SMG6: variants seen among roughly 807,000 people sequenced by gnomAD.
The protein encoded by SMG6 is SMG6 nonsense mediated mRNA decay factor, also known as telomerase-binding protein EST1A.
In SMG6, 66 loss-of-function variants were observed where a neutral mutation model predicts 142.2. The ratio of observed to expected loss-of-function variants is 0.46; its 90% confidence interval spans 0.38 to 0.57. The LOEUF (loss-of-function observed/expected upper bound fraction) is 0.57. SMG6 is among the 20% of genes least tolerant of loss of function. The pLI is 0.00. For synonymous variants in SMG6, 779 were observed against 702.4 expected (o/e 1.11, Z -1.72); for missense variants, 1,793 against 1,832.0 (o/e 0.98, Z 0.39).
At chr17:2,131,031 G>A (rs1228479789) in intron 13 of SMG6, among the ~76,000 whole-genome samples, 1 of 152,032 alleles carries the variant, frequency 6.6e-6, no homozygotes, top group Non-Finnish European at 1.5e-5. Flanking sequence ...ACAAACTCCT[G>A]CACAGAGATA....
chr17:2,068,432 G>A lies in SMG6; in HGVS notation c.3835+346C>T, dbSNP rs780021842. ...TGCCAGACCACCCAGCAGCACTGCC[G>A]TTATCTGCCAGGGCTGAGTGTTTAC... On this transcript the variant is annotated intron_variant, in intron 16 of 18. Coordinates refer to ENST00000263073, the MANE Select transcript of SMG6 (RefSeq NM_017575.5). This position sits in a 1 kb window ranked among gnomAD's most constrained non-coding sequence, Gnocchi z 6.7. Among the ~76,000 whole-genome samples the A allele has an allele frequency of 8.5e-5, 13 of 152,334 alleles. No homozygotes were observed. The highest frequency in any genetic ancestry group is 2.1e-4 in the South Asian group (1 of 4,830).
Position 2,085,660 on chromosome 17 carries a change from G to A in SMG6, c.3534+65C>T. On this transcript the variant is annotated intron_variant, in intron 14 of 18. Coordinates refer to ENST00000263073, the MANE Select transcript of SMG6 (RefSeq NM_017575.5). The surrounding 1 kb of genome is among the most constrained non-coding windows in gnomAD (Gnocchi z 4.1). ...TCATAAATAAGCAGGAGGAAAAGCT[G>A]AAGCCACGAGCAGAATGGGGAGGGG... 1 of 1,500,032 alleles carries A rather than the reference G, an allele frequency of 6.7e-7. No individual in the cohort carries two copies. The highest frequency in any genetic ancestry group is 1.2e-5 in the South Asian group (1 of 81,560). 92.9% of individuals were successfully genotyped at this position (1,500,032 alleles called of 1,614,324 possible).
chr17:2,243,183 T>C (rs2073852281), intron 9 of SMG6, among the ~76,000 whole-genome samples: 1 of 152,162 alleles, frequency 6.6e-6, no homozygotes, highest in Non-Finnish European at 1.5e-5. Flanking sequence ...TTTTCCCAAG[T>C]CATTTTGAAA....
chr17:2,192,685 T>G (rs1334748203), intron 10 of SMG6, among the ~76,000 whole-genome samples: 1 of 152,126 alleles, frequency 6.6e-6, no homozygotes, highest in Non-Finnish European at 1.5e-5. Context: ...TTCTCATGAG[T>G]CAGTTACCAG....
intron 13 of SMG6, among the ~76,000 whole-genome samples, chr17:2,157,889 G>A (rs2071056202): frequency 6.6e-6 from 1 of 152,174 alleles, no homozygotes; most frequent in Non-Finnish European, 1.5e-5. Flanking sequence ...ACAAGAAGCT[G>A]AATTAGAAAT....
intron 13 of SMG6, among the ~76,000 whole-genome samples, chr17:2,136,896 C>T (rs67008508): frequency 0.1 from 15,873 of 152,096 alleles, 930 homozygotes; most frequent in African/African-American, 0.14. Context: ...TGATGGCTCA[C>T]GCTTGTAATT....
chr17:2,174,893 C>G (rs547768095), intron 12 of SMG6, among the ~76,000 whole-genome samples: 1 of 152,270 alleles, frequency 6.6e-6, no homozygotes, highest in Non-Finnish European at 1.5e-5. Flanking sequence ...AACAGAACTT[C>G]GAGGGTTAAA....
At chr17:2,181,563 C>A (rs923649128) in intron 12 of SMG6, among the ~76,000 whole-genome samples, 1 of 152,250 alleles carries the variant, frequency 6.6e-6, no homozygotes, top group African/African-American at 2.4e-5. Context: ...TCCACAGCTA[C>A]GGTAACGTAT....
intron 13 of SMG6, among the ~76,000 whole-genome samples, chr17:2,142,987 T>C (rs918148815): frequency 4.6e-5 from 7 of 151,622 alleles, no homozygotes; most frequent in African/African-American, 1.7e-4. Context: ...TTCAACATCA[T>C]TAGTTATTGA....
intron 13 of SMG6, among the ~76,000 whole-genome samples, chr17:2,112,700 C>T (rs920461738): frequency 6.7e-6 from 1 of 148,830 alleles, no homozygotes; most frequent in East Asian, 1.9e-4. Flanking sequence ...CATACTTTAG[C>T]TATATTAAAA....
chr17:2,096,286 C>T (rs962351653), intron 13 of SMG6, among the ~76,000 whole-genome samples: 2 of 152,190 alleles, frequency 1.3e-5, no homozygotes, highest in Non-Finnish European at 2.9e-5. Flanking sequence ...TCACTGCAAC[C>T]TTCGTCTTGA....
At chr17:2,175,379 G>A (rs1474170653) in intron 12 of SMG6, among the ~76,000 whole-genome samples, 4 of 151,974 alleles carry the variant, frequency 2.6e-5, no homozygotes, top group African/African-American at 4.8e-5. Flanking sequence ...AGAGAGAGGC[G>A]GCCGAAAATT....
chr17:2,127,662 T>C lies in SMG6; in HGVS notation c.3358-41761A>G, dbSNP rs968312298. 6.2e-5 allele frequency: 35 copies of C among 567,732 alleles called. No individual in the cohort carries two copies. In the African/African-American group the frequency reaches 6.2e-4, roughly 10 times the overall value. 35.2% of individuals were successfully genotyped at this position (567,732 alleles called of 1,614,324 possible). ...CATTCAACGAATACAATTCTTTTACTCTGCTCTTTTCTAGGTTGAAGTCTA... is the reference window on the plus strand; with the variant it reads ...CATTCAACGAATACAATTCTTTTACCCTGCTCTTTTCTAGGTTGAAGTCTA... On this transcript the variant is annotated intron_variant, in intron 13 of 18. Transcript: ENST00000263073.
chr17:2,084,724 C>T (rs968451693), intron 14 of SMG6, among the ~76,000 whole-genome samples: 13 of 152,300 alleles, frequency 8.5e-5, no homozygotes, highest in African/African-American at 2.4e-4. Flanking sequence ...GAATCGCTTC[C>T]GTCCCTTCCC....
chr17:2,236,722 CA>C, intron 9 of SMG6, 85 bp from the exon 10 acceptor site: 1 of 1,320,072 alleles, frequency 7.6e-7, no homozygotes, highest in African/African-American at 1.5e-5. Flanking sequence ...CACACACACA[CA>C]CACACACACA....
At chr17:2,170,627 C>T (rs1463671190) in intron 13 of SMG6, among the ~76,000 whole-genome samples, 3 of 152,236 alleles carry the variant, frequency 2.0e-5, no homozygotes, top group Non-Finnish European at 1.5e-5. Flanking sequence ...GAATTTCACT[C>T]TACGTTTTTG....
intron 8 of SMG6, among the ~76,000 whole-genome samples, chr17:2,269,350 C>T (rs1233705518): frequency 2.0e-5 from 3 of 151,718 alleles, no homozygotes; most frequent in Admixed American, 6.6e-5. Flanking sequence ...GAGATCGTGC[C>T]GCTGCACTCC....
At position 2,063,860 on chromosome 17, in the gene SMG6, TC is replaced by T. The variant is rs140348914; in HGVS notation, c.4129+1212del. Among the ~76,000 whole-genome samples the T allele has an allele frequency of 3.8e-3, 581 of 152,232 alleles. 3 individuals carry two copies. Among genetic ancestry groups the T allele is most frequent in the African/African-American group, 0.013 (553 of 41,528 alleles). On this transcript the variant is annotated intron_variant, in intron 18 of 18. Transcript: ENST00000263073. The stretch of plus-strand genomic sequence containing the variant: ...AAGGTGGCCTCGGGTGAGGGGATAC[TC>T]AGAGACTACTGAGCTGCCGGGGACA...
At chr17:2,302,465 C>T (rs542918327) in intron 1 of SMG6, among the ~76,000 whole-genome samples, 1 of 152,282 alleles carries the variant, frequency 6.6e-6, no homozygotes, top group African/African-American at 2.4e-5. Context: ...GGCGTGAACC[C>T]GGGAGGCGGA....
Sources: allele counts gnomAD v4.1 joint callset (sites outside exome capture counted in the v4.1 genomes callset), GRCh38; gene constraint gnomAD v4.1.1; non-coding constraint Gnocchi (gnomAD v3.1); transcripts MANE v1.5; gene names NCBI Gene and HGNC (gene_info 2026-07-23, HGNC 2026-07-21).